The following TMPO variants were observed in gnomAD, a reference collection of about 807,000 sequenced individuals.
The protein encoded by TMPO is thymopoietin.
In TMPO, 22 loss-of-function variants were observed where a neutral mutation model predicts 45.4. The ratio of observed to expected loss-of-function variants is 0.48; its 90% confidence interval spans 0.35 to 0.69. The LOEUF (loss-of-function observed/expected upper bound fraction) is 0.69. Ranked by LOEUF, TMPO falls within the 30% of genes least tolerant of loss-of-function variation. The pLI, the probability that TMPO is intolerant of heterozygous loss-of-function variation, is 0.01. For synonymous variants in TMPO, 241 were observed against 204.1 expected (o/e 1.18, Z -1.54); for missense variants, 512 against 548.8 (o/e 0.93, Z 0.67).
At chr12:98,546,245 CTA>C (rs1218655763) in intron 7 of TMPO, 112 bp from the exon 8 acceptor site, 6 of 766,836 alleles carry the variant, frequency 7.8e-6, no homozygotes, top group African/African-American at 6.9e-5. Flanking sequence ...GCTGTAAAAT[CTA>C]TGATAGATTT....
chr12:98,545,124 T>G, intron 7 of TMPO, 63 bp downstream of exon 7: 1 of 1,270,554 alleles, frequency 7.9e-7, no homozygotes, highest in Non-Finnish European at 1.1e-6. Context: ...TATAAATATT[T>G]GTTTGTTTTT....
chr12:98,532,541 T>TA (rs1396324699), intron 3 of TMPO, among the ~76,000 whole-genome samples: 4 of 152,234 alleles, frequency 2.6e-5, no homozygotes, highest in Non-Finnish European at 5.9e-5. Context: ...GATGTTTAAA[T>TA]ATTTTTTAAG....
intron 3 of TMPO, chr12:98,535,545 A>G (rs541864615): frequency 1.0e-6 from 1 of 985,366 alleles, no homozygotes; most frequent in Non-Finnish European, 1.2e-6. Context: ...ACATGTATAC[A>G]TGTACCTACT....
At chr12:98,530,187 A>C (rs1877092954) in intron 2 of TMPO, among the ~76,000 whole-genome samples, 1 of 152,048 alleles carries the variant, frequency 6.6e-6, no homozygotes. Flanking sequence ...AAAAAAAAAA[A>C]AGTAGCCAGG....
Position 98,521,099 on chromosome 12 carries a change from A to ATTTTTTTT in TMPO, c.279+4953_279+4954insTTTTTTTT, listed in dbSNP as rs1565804759. ...TCTATTTAATCATGGGTTTATGAGG[A>ATTTTTTTT]ATTTTTTTTTTTTTTTTTTTTTTTT... On this transcript the variant is annotated intron_variant, in intron 1 of 8. Coordinates refer to ENST00000556029, the MANE Select transcript of TMPO (RefSeq NM_001032283.3). Among the ~76,000 whole-genome samples the ATTTTTTTT allele has an allele frequency of 1.4e-3, 131 of 93,044 alleles. 4 individuals are homozygous for ATTTTTTTT. Among genetic ancestry groups the ATTTTTTTT allele is most frequent in the African/African-American group, 3.0e-3 (74 of 24,810 alleles). The allele number at this position is 93,044 out of a possible 152,430, so 61.0% of individuals were successfully genotyped here. A position where few individuals can be genotyped will look rare whatever the true frequency, so the allele number is the denominator to read the frequency against.
intron 4 of TMPO, among the ~76,000 whole-genome samples, chr12:98,538,024 T>C (rs1467076138): frequency 6.6e-6 from 1 of 152,246 alleles, no homozygotes; most frequent in African/African-American, 2.4e-5. Context: ...ACTACAGTTT[T>C]CTTTCCTTAT....
chr12:98,516,779 T>A (rs1483769922), intron 1 of TMPO, among the ~76,000 whole-genome samples: 2 of 152,206 alleles, frequency 1.3e-5, no homozygotes, highest in Non-Finnish European at 2.9e-5. Flanking sequence ...TTAAACTATA[T>A]TTTTAGGCGC....
chr12:98,546,347 G>T lies in TMPO; in HGVS notation c.991-12G>T. On this transcript the variant is annotated splice_polypyrimidine_tract_variant and intron_variant, in intron 7 of 8. Coordinates refer to ENST00000556029, the MANE Select transcript of TMPO (RefSeq NM_001032283.3). The stretch of plus-strand genomic sequence containing the variant: ...TTAACTTGTGGTTGTTTGTTTGTCT[G>T]TTTCTTATTAGGTGGGAGAAAAAAC... 6.3e-7 allele frequency: 1 copy of T among 1,581,160 alleles called. No individual in the cohort carries two copies. The highest frequency in any genetic ancestry group is 8.7e-7 in the Non-Finnish European group (1 of 1,150,694).
intron 3 of TMPO, chr12:98,535,211 C>A: frequency 1.0e-6 from 1 of 984,120 alleles, no homozygotes; most frequent in South Asian, 4.7e-5. Flanking sequence ...TAATACTTTG[C>A]TTTCATGATA....
At chr12:98,530,005 CA>C (rs1424903362) in intron 2 of TMPO, among the ~76,000 whole-genome samples, 1 of 152,024 alleles carries the variant, frequency 6.6e-6, no homozygotes, top group Non-Finnish European at 1.5e-5. Context: ...ATACAAGTAC[CA>C]ACAGATATAT....
In TMPO at chr12:98,542,157, C is replaced by T. The variant is rs566910923; in HGVS notation, c.664-2073C>T. Among the ~76,000 whole-genome samples the T allele has an allele frequency of 1.5e-4, 23 of 152,262 alleles. No homozygotes were observed. The South Asian group carries it at 4.4e-3, about 29-fold the overall frequency. On this transcript the variant is annotated intron_variant, in intron 4 of 8. Coordinates refer to ENST00000556029, the MANE Select transcript of TMPO (RefSeq NM_001032283.3). ...TGCCAGTTTATCTTGGGGAAGCGTACCAGTAAAATTGCTAGGTAATTTCAC... is the reference window on the plus strand; with the variant it reads ...TGCCAGTTTATCTTGGGGAAGCGTATCAGTAAAATTGCTAGGTAATTTCAC...
chr12:98,526,472 A>G (rs908711792), intron 1 of TMPO, among the ~76,000 whole-genome samples: 1 of 152,222 alleles, frequency 6.6e-6, no homozygotes, highest in Non-Finnish European at 1.5e-5. Context: ...ATACAATGTA[A>G]GTGCTATGTA....
intron 7 of TMPO, 83 bp downstream of exon 7, chr12:98,545,144 T>G: frequency 8.9e-7 from 1 of 1,120,856 alleles, no homozygotes. Context: ...TTTTTTTTTT[T>G]TTTGGAGTGG....
chr12:98,528,251 C>CTT (rs72519624), intron 2 of TMPO, among the ~76,000 whole-genome samples: 20 of 131,388 alleles, frequency 1.5e-4, no homozygotes, highest in African/African-American at 4.5e-4. Flanking sequence ...TTATATCGTA[C>CTT]TTTTTTTTTT....
intron 4 of TMPO, 132 bp downstream of exon 4, chr12:98,537,704 A>G (rs1259561972): frequency 3.8e-6 from 3 of 797,152 alleles, no homozygotes; most frequent in Non-Finnish European, 4.3e-6. Flanking sequence ...TTGTTAAATG[A>G]TACTAAAAAT....
rs576697320 is a variant in TMPO, at chr12:98,545,792, G to C, written c.991-567G>C. ...CTGTTGCCCAGGCTGGAGTGCAGTG[G>C]CACGGTCTCAGCTCACTGCAACCTC... is the stretch of plus-strand genomic sequence containing the variant. On this transcript the variant is annotated intron_variant, in intron 7 of 8. Transcript: ENST00000556029. Among the ~76,000 whole-genome samples the C allele has an allele frequency of 2.6e-4, 39 of 152,060 alleles. No homozygotes were observed. The South Asian group carries it at 3.1e-3, about 12-fold the overall frequency.
At position 98,548,605 on chromosome 12, in the gene TMPO, T is replaced by C. The variant is rs916103570; in HGVS notation, c.*747T>C. 6.6e-6 allele frequency: 1 copy of C among 152,208 alleles called. No individual in the cohort carries two copies. The highest frequency in any genetic ancestry group is 2.4e-5 in the African/African-American group (1 of 41,462). The allele number at this position is 152,208 out of a possible 1,614,324, so 9.4% of individuals were successfully genotyped here. On this transcript the variant is annotated 3_prime_UTR_variant, in exon 9 of 9. Transcript: ENST00000556029. ...TGTTTAGCTAGCTATAAGGCTATAATTGGAAATTTGTATTTTTTATTTACA... is the reference window on the plus strand; with the variant it reads ...TGTTTAGCTAGCTATAAGGCTATAACTGGAAATTTGTATTTTTTATTTACA...
intron 3 of TMPO, chr12:98,534,517 T>C (rs1877449996): frequency 7.0e-7 from 1 of 1,420,484 alleles, no homozygotes; most frequent in Admixed American, 2.8e-5. Context: ...TTGTCTTTTC[T>C]AAAGATTTGC....
intron 7 of TMPO, 29 bp from the exon 8 acceptor site, chr12:98,546,330 T>G (rs1045882904): frequency 1.4e-6 from 2 of 1,442,700 alleles, no homozygotes; most frequent in Non-Finnish European, 2.0e-6. Context: ...TTTTAACTTG[T>G]GGTTGTTTGT....
Sources: allele counts gnomAD v4.1 joint callset (sites outside exome capture counted in the v4.1 genomes callset), GRCh38; gene constraint gnomAD v4.1.1; transcripts MANE v1.5; gene names NCBI Gene and HGNC (gene_info 2026-07-23, HGNC 2026-07-21).